SIRPB1: variants seen among roughly 807,000 people sequenced by gnomAD.
SIRPB1 encodes signal regulatory protein beta 1.
A neutral mutation model predicts 34.1 loss-of-function variants in SIRPB1; 28 were observed. The observed-to-expected ratio is 0.82, with a 90% CI of 0.61 to 1.12. SIRPB1 has a LOEUF of 1.12. Among genes scored for constraint, SIRPB1 ranks in the 50% most tolerant of loss-of-function variants. The pLI, the probability that SIRPB1 is intolerant of heterozygous loss-of-function variation, is 0.00. For synonymous variants in SIRPB1, 211 were observed against 203.8 expected, an observed-to-expected ratio of 1.04 and a Z score of -0.30; for missense variants, 499 against 507.0, an observed-to-expected ratio of 0.98 and a Z score of 0.15.
intron 1 of SIRPB1, among the ~76,000 whole-genome samples, chr20:1,579,237 C>T (rs1214731744): frequency 6.7e-6 from 1 of 148,236 alleles, no homozygotes; most frequent in Admixed American, 6.7e-5. Context: ...TAGGTGTCAG[C>T]CACCGCGCCT....
At chr20:1,619,199 T>C (rs1459021348) in intron 1 of SIRPB1, among the ~76,000 whole-genome samples, 2 of 152,158 alleles carry the variant, frequency 1.3e-5, no homozygotes, top group South Asian at 2.1e-4. Flanking sequence ...AGTAAATATC[T>C]GTAGTTTCAG....
At position 1,571,107 on chromosome 20, in the gene SIRPB1, G is replaced by C. The variant is rs1166647380; in HGVS notation, c.782C>G (p.Pro261Arg). The change falls in exon 4 of 6, where the codon CCC (proline) becomes CGC (arginine). Residue 261 changes from proline to arginine, a missense_variant. Transcript: ENST00000381605. ...GTTTGCCTGGTTCTCTGCCCTCATG[G>C]GCTGTTGAGTAACCTCCAAGGTGGG... The part of the protein sequence containing the change: ...VPPTLEVTQQ[P>R]MRAENQANVT... 3.1e-6 allele frequency: 5 copies of C among 1,613,924 alleles called. No homozygotes were observed. The highest frequency in any genetic ancestry group is 4.2e-6 in the Non-Finnish European group (5 of 1,179,866).
In SIRPB1 at chr20:1,576,990, A is replaced by C. The variant is rs115754775; in HGVS notation, c.433+1348T>G. Among the ~76,000 whole-genome samples, 975 of 148,496 alleles carry C rather than the reference A, an allele frequency of 6.6e-3. 59 individuals are homozygous for C. Among genetic ancestry groups the C allele is most frequent in the African/African-American group, 0.023 (947 of 40,958 alleles). On this transcript the variant is annotated intron_variant, in intron 2 of 5. Transcript: ENST00000381605. ...CATATCCATCAACAGAAGACTGTAA[A>C]ATAAATTTTGGTATTTCCATAAATT...
chr20:1,571,050 C>A lies in SIRPB1; in HGVS notation c.839G>T (p.Arg280Leu). ...VTCQVSNFYP[R>L]GLQLTWLENG... ...CTCCAACCAGGTCAGCTGTAGTCCC[C>A]GGGGGTAGAAATTGCTCACCTGGCA... is the stretch of plus-strand genomic sequence containing the variant. Residue 280 changes from arginine to leucine, a missense_variant, in exon 4 of 6, where the codon CGG becomes CTG. Arg to Leu is a moderately radical substitution (Grantham distance 102). Transcript: ENST00000381605. The A allele has an allele frequency of 6.2e-7, 1 of 1,614,112 alleles. No homozygotes were observed. Among genetic ancestry groups the A allele is most frequent in the Non-Finnish European group, 8.5e-7 (1 of 1,179,980 alleles).
rs1391294171 is a variant in SIRPB1, at chr20:1,609,386, T to C, written c.76+10483A>G. Reference sequence around the variant, plus strand: ...AGCATCATGTTTTACGCTTTACATATACACATTTTTTTAAAAAGCTGTTAG... The same window carrying C: ...AGCATCATGTTTTACGCTTTACATACACACATTTTTTTAAAAAGCTGTTAG... On this transcript the variant is annotated intron_variant, in intron 1 of 5. Transcript: ENST00000381605. 5.5e-5 allele frequency among the ~76,000 whole-genome samples: 4 copies of C among 72,638 alleles called. 1 individual carries two copies. Among genetic ancestry groups the C allele is most frequent in the Non-Finnish European group, 1.0e-4 (4 of 38,748 alleles). The allele number at this position is 72,638 out of a possible 152,430, so 47.7% of individuals were successfully genotyped here.
chr20:1,578,401 G>A lies in SIRPB1; in HGVS notation c.370C>T (p.Arg124Trp), dbSNP rs139862493. 1.6e-5 allele frequency: 25 copies of A among 1,587,458 alleles called. 1 individual carries two copies. In the African/African-American group the frequency reaches 1.9e-4, roughly 12 times the overall value. ...DAGTYYCVKF[R>W]KGSPDDVEFK... is the part of the protein sequence containing the mutation. ...TCCACGTCGTCAGGGCTCCCTTTCCGGAACTTCACACAGTAGTAGGTGCCG... is the reference window on the plus strand; with the variant it reads ...TCCACGTCGTCAGGGCTCCCTTTCCAGAACTTCACACAGTAGTAGGTGCCG... Residue 124 changes from arginine (R) to tryptophan (W), a missense_variant, in exon 2 of 6, where the codon CGG becomes TGG. Physicochemically the swap from Arg to Trp is moderately radical, Grantham distance 101. Coordinates refer to ENST00000381605, the MANE Select transcript of SIRPB1 (RefSeq NM_006065.5).
rs2091092415 is a variant in SIRPB1 at position 1,562,963 on chromosome 20, C to T, written c.*2537G>A. 6.6e-6 allele frequency among the ~76,000 whole-genome samples: 1 copy of T among 152,088 alleles called. No individual in the cohort carries two copies. The highest frequency in any genetic ancestry group is 1.5e-5 in the Non-Finnish European group (1 of 68,032). ...AATAGTTGACTGTGGCAATGTAGAC[C>T]CTGATGCAGGAACTTCAGATAGGCA... On this transcript the variant is annotated 3_prime_UTR_variant, in exon 6 of 6. Coordinates refer to ENST00000381605, the MANE Select transcript of SIRPB1 (RefSeq NM_006065.5).
rs1048439475 is a variant in SIRPB1, at chr20:1,571,720, C to G, written c.751G>C (p.Val251Leu). The change falls in exon 3 of 6, where the codon GTT becomes CTT. Residue 251 changes from valine to leucine, a missense_variant and splice_region_variant. Physicochemically the swap from Val to Leu is conservative, Grantham distance 32. Transcript: ENST00000381605. ...TGGGCTGGGTGTGAGGGTCTTCTAC[C>G]TCGGATGGCCTCAGACAAGTTGGCA... Reference protein sequence around the residue: ...GTANLSEAIRVPPTLEVTQQP... With the variant: ...GTANLSEAIRLPPTLEVTQQP... 3 of 1,614,074 alleles carry G rather than the reference C, an allele frequency of 1.9e-6. No homozygotes were observed. The highest frequency in any genetic ancestry group is 1.7e-5 in the Admixed American group (1 of 60,008).
intron 2 of SIRPB1, among the ~76,000 whole-genome samples, chr20:1,572,520 C>T (rs960896052): frequency 4.6e-5 from 7 of 150,774 alleles, no homozygotes; most frequent in South Asian, 2.1e-4. Context: ...GCTCCTCATC[C>T]GCAAAACAGG....
chr20:1,562,109 T>C lies in SIRPB1; in HGVS notation c.*3391A>G, dbSNP rs1186304911. ...GGCCTTTGGGAGCTCTTTCAGTTGG[T>C]TCCTGCGCCTCTTTGATGTACTCCA... On this transcript the variant is annotated 3_prime_UTR_variant, in exon 6 of 6. Transcript: ENST00000381605. Among the ~76,000 whole-genome samples, 4 of 152,212 alleles carry C rather than the reference T, an allele frequency of 2.6e-5. No homozygotes were observed. The highest frequency in any genetic ancestry group is 9.6e-5 in the African/African-American group (4 of 41,458).
intron 1 of SIRPB1, among the ~76,000 whole-genome samples, chr20:1,618,698 T>C (rs1287728578): frequency 6.6e-6 from 1 of 152,092 alleles, no homozygotes; most frequent in East Asian, 1.9e-4. Flanking sequence ...AGCCCTGTGG[T>C]TCTGGGGTCA....
At position 1,566,178 on chromosome 20, in the gene SIRPB1, T is replaced by G. The variant is rs960309328; in HGVS notation, c.1174A>C (p.Ile392Leu). 1.2e-6 allele frequency: 2 copies of G among 1,610,366 alleles called. No individual in the cohort carries two copies. Among genetic ancestry groups the G allele is most frequent in the Admixed American group, 3.4e-5 (2 of 59,520 alleles). ...AGTCAGGCCTTCTGTTTCCAGCAGA[T>G]GTAGATGGCAGAGACACCAACCACC... ...LLVVGVSAIY[I>L]CWKQKA The change falls in exon 5 of 6, where the codon ATC (isoleucine) becomes CTC (leucine). Residue 392 changes from isoleucine (I) to leucine (L), a missense_variant. Transcript: ENST00000381605.
intron 1 of SIRPB1, among the ~76,000 whole-genome samples, chr20:1,580,313 C>T (rs190616424): frequency 6.8e-6 from 1 of 147,400 alleles, no homozygotes; most frequent in East Asian, 1.9e-4. Flanking sequence ...TGTCCTTCTC[C>T]AAGAATTAAT....
At position 1,568,487 on chromosome 20, in the gene SIRPB1, G is replaced by A. The variant is rs1253487437; in HGVS notation, c.1085-2220C>T. On this transcript the variant is annotated intron_variant, in intron 4 of 5. Coordinates refer to ENST00000381605, the MANE Select transcript of SIRPB1 (RefSeq NM_006065.5). ...GTGGGTGGTTGGAAGTCTAAGAAAAGACTCAACCTTGTCCAGATGGTACAG... is the reference window on the plus strand; with the variant it reads ...GTGGGTGGTTGGAAGTCTAAGAAAAAACTCAACCTTGTCCAGATGGTACAG... Among the ~76,000 whole-genome samples, 3 of 152,220 alleles carry A rather than the reference G, an allele frequency of 2.0e-5. No homozygotes were observed. In the East Asian group the frequency reaches 5.8e-4, roughly 29 times the overall value.
In SIRPB1 at chr20:1,580,579, G is replaced by A. The variant is rs999925262; in HGVS notation, c.77-1885C>T. Among the ~76,000 whole-genome samples, 4 of 49,542 alleles carry A rather than the reference G, an allele frequency of 8.1e-5. 2 individuals carry two copies. Among genetic ancestry groups the A allele is most frequent in the African/African-American group, 5.3e-4 (4 of 7,528 alleles). 32.5% of individuals were successfully genotyped at this position (49,542 alleles called of 152,430 possible). On this transcript the variant is annotated intron_variant, in intron 1 of 5. Coordinates refer to ENST00000381605, the MANE Select transcript of SIRPB1 (RefSeq NM_006065.5). ...GGGGTCCCCCCAATGGGTATAAGCC[G>A]GTGGAAGAATAATCAGAAAACTGGA...
At chr20:1,574,751 C>T (rs1202117266) in intron 2 of SIRPB1, among the ~76,000 whole-genome samples, 5 of 93,542 alleles carry the variant, frequency 5.3e-5, no homozygotes, top group Admixed American at 1.1e-4. Flanking sequence ...CCTTCAGACT[C>T]GGCCCAGTCT....
At chr20:1,614,106 GA>G (rs2091596280) in intron 1 of SIRPB1, among the ~76,000 whole-genome samples, 1 of 152,184 alleles carries the variant, frequency 6.6e-6, no homozygotes, top group Non-Finnish European at 1.5e-5. Context: ...TCAAAATGTT[GA>G]AAGAGGAAAA....
chr20:1,567,055 A>T (rs896188854), intron 4 of SIRPB1, among the ~76,000 whole-genome samples: 3 of 152,190 alleles, frequency 2.0e-5, no homozygotes, highest in African/African-American at 7.2e-5. Flanking sequence ...TTTTTAAATA[A>T]GGGGTTTTGG....
rs2091484275 is a variant in SIRPB1 at position 1,603,273 on chromosome 20, A to G, written c.76+16596T>C. On this transcript the variant is annotated intron_variant, in intron 1 of 5. Transcript: ENST00000381605. ...AAACTTGCACATAATAAATCTGCAGAGAGCCATTGTGATTATTATTGGTCA... is the reference window on the plus strand; with the variant it reads ...AAACTTGCACATAATAAATCTGCAGGGAGCCATTGTGATTATTATTGGTCA... 2 of 159,418 alleles carry G rather than the reference A, an allele frequency of 1.3e-5. 1 individual carries two copies. Among genetic ancestry groups the G allele is most frequent in the Admixed American group, 8.9e-5 (2 of 22,382 alleles). 9.9% of individuals were successfully genotyped at this position (159,418 alleles called of 1,614,324 possible). A position where few individuals can be genotyped will look rare whatever the true frequency, so the allele number is the denominator to read the frequency against.
Sources: gnomAD v4.1 joint callset for allele counts (sites outside exome capture counted in the v4.1 genomes callset) on GRCh38, gnomAD v4.1.1 for gene constraint, MANE v1.5 for transcripts, NCBI Gene and HGNC (gene_info 2026-07-23, HGNC 2026-07-21) for gene names.